Variants in TENM2 observed in about 807,000 individuals in gnomAD.
The protein encoded by TENM2 is teneurin-2.
In TENM2, 52 loss-of-function variants were observed where a neutral mutation model predicts 245.2. The ratio of observed to expected loss-of-function variants is 0.21; its 90% CI spans 0.17 to 0.27. The LOEUF (loss-of-function observed/expected upper bound fraction) is 0.27. TENM2 is among the 10% of genes least tolerant of loss of function. The pLI is 1.00. For synonymous variants in TENM2, 1,363 were observed against 1,438.9 expected (o/e 0.95, Z 1.19); for missense variants, 3,046 against 3,666.8 (o/e 0.83, Z 4.37).
intron 2 of TENM2, among the ~76,000 whole-genome samples, chr5:167,697,542 T>C (rs1189562401): frequency 3.3e-5 from 5 of 152,162 alleles, no homozygotes; most frequent in Non-Finnish European, 7.3e-5. Context: ...TTATCAATTT[T>C]TTTTTGAGAT....
chr5:167,146,703 C>T, the TENM2 span, among the ~76,000 whole-genome samples: 5 of 152,148 alleles, frequency 3.3e-5, no homozygotes. Flanking sequence ...GGAAGTAACT[C>T]CTTTATTCTC....
chr5:168,221,686 G>T (rs147246561), intron 23 of TENM2, among the ~76,000 whole-genome samples: 10 of 152,248 alleles, frequency 6.6e-5, no homozygotes, highest in African/African-American at 2.2e-4. Context: ...ACATCCAACC[G>T]TGGAATTAAG....
intron 7 of TENM2, among the ~76,000 whole-genome samples, chr5:168,086,554 GAC>G (rs945715652): frequency 9.2e-5 from 14 of 152,168 alleles, no homozygotes; most frequent in African/African-American, 3.4e-4. Context: ...GGCTGCAAGA[GAC>G]ACAAGCGGCT....
chr5:167,453,072 A>G (rs936775853), intron 2 of TENM2, among the ~76,000 whole-genome samples: 7 of 150,608 alleles, frequency 4.6e-5, no homozygotes, highest in Non-Finnish European at 1.0e-4. Context: ...TCAGATTTCC[A>G]TGGATGAAGA....
the TENM2 span, among the ~76,000 whole-genome samples, chr5:167,248,785 T>A: frequency 6.1e-3 from 584 of 95,374 alleles, 13 homozygotes; most frequent in East Asian, 0.093. Flanking sequence ...TATGTGTGTA[T>A]ATATATATGT....
chr5:167,474,900 T>A (rs1195112992), intron 2 of TENM2, among the ~76,000 whole-genome samples: 1 of 152,232 alleles, frequency 6.6e-6, no homozygotes, highest in Non-Finnish European at 1.5e-5. Context: ...CTGGACTGTT[T>A]TCAAATTTTG....
At chr5:167,327,060 G>A (rs11749572) in intron 1 of TENM2, among the ~76,000 whole-genome samples, 89,846 of 151,958 alleles carry the variant, frequency 0.59, 26,704 homozygotes, top group Admixed American at 0.64. Flanking sequence ...GTTTTAGGGT[G>A]CATGTGCACA....
At chr5:167,105,050 G>A in the TENM2 span, among the ~76,000 whole-genome samples, 6 of 152,132 alleles carry the variant, frequency 3.9e-5, no homozygotes, top group African/African-American at 1.4e-4. Context: ...TAGATTTGCT[G>A]TCTATCAAAA....
intron 5 of TENM2, among the ~76,000 whole-genome samples, chr5:168,042,891 C>T (rs955097169): frequency 3.3e-5 from 5 of 152,196 alleles, no homozygotes; most frequent in East Asian, 1.9e-4. Context: ...CAGCTGCCAC[C>T]TGGATTTCAT....
intron 3 of TENM2, among the ~76,000 whole-genome samples, chr5:167,941,888 G>T (rs1401057255): frequency 1.4e-5 from 2 of 147,984 alleles, no homozygotes; most frequent in African/African-American, 5.0e-5. Context: ...TAAATCACAG[G>T]GTCTGTGTCA....
chr5:167,948,505 C>T (rs892253431), intron 3 of TENM2, among the ~76,000 whole-genome samples: 1 of 152,176 alleles, frequency 6.6e-6, no homozygotes, highest in Non-Finnish European at 1.5e-5. Context: ...TATACCTCCC[C>T]TGGTTTTTAG....
intron 2 of TENM2, among the ~76,000 whole-genome samples, chr5:167,873,367 T>C (rs1429137255): frequency 7.2e-6 from 1 of 138,708 alleles, no homozygotes; most frequent in African/African-American, 3.3e-5. Flanking sequence ...ACTTCTTCCC[T>C]TTTTTTCTCA....
Position 167,358,803 on chromosome 5 carries a change from GCACACA to G in TENM2, c.227-16351_227-16346del, listed in dbSNP as rs58530155. Among the ~76,000 whole-genome samples, 3,994 of 143,890 alleles carry G rather than the reference GCACACA, an allele frequency of 0.028. 345 individuals are homozygous for G. In the East Asian group the frequency reaches 0.34, roughly 12 times the overall value. The allele number at this position is 143,890 out of a possible 152,430, so 94.4% of individuals were successfully genotyped here. On this transcript the variant is annotated intron_variant, in intron 1 of 28. Coordinates refer to ENST00000518659, the Ensembl canonical transcript of TENM2. ...ATCTCGAAGACTGAAATTCTGATCT[GCACACA>G]CACACACACACACACACACACACAC...
intron 7 of TENM2, among the ~76,000 whole-genome samples, chr5:168,066,847 A>G (rs1017286444): frequency 6.6e-6 from 1 of 152,222 alleles, no homozygotes; most frequent in African/African-American, 2.4e-5. Context: ...CTAGAAAGGT[A>G]ACAGACAGAA....
At chr5:168,110,039 C>CTTTT (rs5873091) in intron 9 of TENM2, among the ~76,000 whole-genome samples, 3 of 121,890 alleles carry the variant, frequency 2.5e-5, no homozygotes, top group Non-Finnish European at 3.4e-5. Flanking sequence ...AAGAACCCTT[C>CTTTT]TTTTTTTTTT....
At chr5:167,509,602 G>C (rs1769788974) in intron 2 of TENM2, among the ~76,000 whole-genome samples, 1 of 152,074 alleles carries the variant, frequency 6.6e-6, no homozygotes, top group Non-Finnish European at 1.5e-5. Context: ...CTAATAATTT[G>C]AGGTTTAATG....
At chr5:167,269,238 G>A in the TENM2 span, among the ~76,000 whole-genome samples, 1 of 151,992 alleles carries the variant, frequency 6.6e-6, no homozygotes, top group Non-Finnish European at 1.5e-5. Flanking sequence ...TGGCTCTAAG[G>A]CCTTTTAAAC....
chr5:167,501,070 A>G (rs1769182032), intron 2 of TENM2, among the ~76,000 whole-genome samples: 1 of 152,140 alleles, frequency 6.6e-6, no homozygotes, highest in African/African-American at 2.4e-5. Context: ...TTTTTAGTCC[A>G]CTTGCAGGCT....
At chr5:167,066,704 C>T in the TENM2 span, among the ~76,000 whole-genome samples, 1 of 152,074 alleles carries the variant, frequency 6.6e-6, no homozygotes, top group African/African-American at 2.4e-5. Context: ...CAAGCAACAT[C>T]TTTTGGCAGT....
Sources: gnomAD v4.1 joint callset for allele counts (sites outside exome capture counted in the v4.1 genomes callset) on GRCh38, gnomAD v4.1.1 for gene constraint, MANE v1.5 for transcripts, NCBI Gene and HGNC (gene_info 2026-07-23, HGNC 2026-07-21) for gene names.